ATP10B: variants seen among roughly 807,000 people sequenced by gnomAD.
The protein encoded by ATP10B is phospholipid-transporting ATPase VB.
In ATP10B, 122 loss-of-function variants were observed where a neutral mutation model predicts 141.2. The ratio of observed to expected loss-of-function variants is 0.86; its 90% confidence interval spans 0.75 to 1.00. The LOEUF is 1.00. Among genes scored for constraint, ATP10B ranks in the 50% least tolerant of loss-of-function variants. The pLI is 0.00. For synonymous variants in ATP10B, 685 were observed against 692.0 expected (o/e 0.99, Z 0.16); for missense variants, 1,876 against 1,825.3 (o/e 1.03, Z -0.51).
At chr5:160,596,972 G>A (rs1050899070) in intron 22 of ATP10B, among the ~76,000 whole-genome samples, 6 of 152,280 alleles carry the variant, frequency 3.9e-5, no homozygotes, top group East Asian at 3.9e-4. Flanking sequence ...TACTGCCCAA[G>A]GTAATTTATA....
chr5:160,678,775 A>G (rs933872301), intron 6 of ATP10B, among the ~76,000 whole-genome samples: 2 of 152,188 alleles, frequency 1.3e-5, no homozygotes, highest in African/African-American at 4.8e-5. Context: ...TATCGGCCCC[A>G]TTTTATATAG....
intron 1 of ATP10B, among the ~76,000 whole-genome samples, chr5:160,834,467 G>A (rs1055828351): frequency 6.6e-6 from 1 of 152,122 alleles, no homozygotes; most frequent in Non-Finnish European, 1.5e-5. Context: ...GCATGAGGCA[G>A]ATATAAATAG....
At chr5:160,607,124 C>G (rs1464295065) in intron 18 of ATP10B, 38 bp from the exon 19 acceptor site, 1 of 1,534,692 alleles carries the variant, frequency 6.5e-7, no homozygotes, top group East Asian at 2.3e-5. Flanking sequence ...TTGTAAGCAA[C>G]CTTGGAAATG....
intron 2 of ATP10B, among the ~76,000 whole-genome samples, chr5:160,770,903 C>T (rs1428515399): frequency 1.3e-5 from 2 of 152,088 alleles, no homozygotes; most frequent in African/African-American, 2.4e-5. Flanking sequence ...ATTTCTATAG[C>T]GTAGGTATTT....
intron 7 of ATP10B, 57 bp downstream of exon 7, chr5:160,670,406 G>C (rs1048334061): frequency 7.0e-6 from 11 of 1,570,610 alleles, no homozygotes; most frequent in Admixed American, 1.7e-5. Context: ...TTTCCAGTAG[G>C]GTAGGCTTGC....
At chr5:160,672,144 T>C (rs893109230) in intron 6 of ATP10B, among the ~76,000 whole-genome samples, 4 of 151,788 alleles carry the variant, frequency 2.6e-5, no homozygotes, top group Admixed American at 1.3e-4. Flanking sequence ...GTCCAGCTAA[T>C]TTTTGTATTT....
chr5:160,579,130 T>C (rs755066070), intron 24 of ATP10B, among the ~76,000 whole-genome samples: 1 of 152,252 alleles, frequency 6.6e-6, no homozygotes, highest in Non-Finnish European at 1.5e-5. Flanking sequence ...AGGTTGCCTG[T>C]TCATTCTGAT....
chr5:160,763,041 T>C (rs1429867130), intron 2 of ATP10B, among the ~76,000 whole-genome samples: 11 of 149,876 alleles, frequency 7.3e-5, no homozygotes, highest in East Asian at 1.9e-4. Context: ...ATGCACCTAA[T>C]ACTGGAGCAC....
intron 10 of ATP10B, among the ~76,000 whole-genome samples, chr5:160,639,717 G>T (rs1759686379): frequency 6.6e-6 from 1 of 152,190 alleles, no homozygotes; most frequent in African/African-American, 2.4e-5. Context: ...CACAGTCAGT[G>T]GGGAGGGGGA....
At chr5:160,817,226 G>C (rs955577467) in intron 1 of ATP10B, among the ~76,000 whole-genome samples, 3 of 152,214 alleles carry the variant, frequency 2.0e-5, no homozygotes, top group Admixed American at 6.5e-5. Flanking sequence ...CCTGTTTGCA[G>C]ATGACATGAT....
At chr5:160,641,512 C>T (rs766258886) in intron 9 of ATP10B, among the ~76,000 whole-genome samples, 15 of 152,302 alleles carry the variant, frequency 9.8e-5, no homozygotes, top group Admixed American at 7.8e-4. Context: ...AAGCTGAGGG[C>T]TAGAGGGTAA....
chr5:160,651,923 C>T (rs1760768767), intron 7 of ATP10B, among the ~76,000 whole-genome samples: 1 of 152,110 alleles, frequency 6.6e-6, no homozygotes, highest in South Asian at 2.1e-4. Context: ...AAGTCATGTG[C>T]TTCACTCCTG....
At chr5:160,907,131 T>A in the ATP10B span, among the ~76,000 whole-genome samples, 1 of 152,180 alleles carries the variant, frequency 6.6e-6, no homozygotes. Context: ...AATCGTTTTC[T>A]GTAATTCCTG....
chr5:160,730,110 G>C (rs1447093812), intron 2 of ATP10B, among the ~76,000 whole-genome samples: 1 of 152,126 alleles, frequency 6.6e-6, no homozygotes, highest in Non-Finnish European at 1.5e-5. Flanking sequence ...ATTTAAGCTA[G>C]CTGTTAGGCA....
At chr5:160,876,495 C>A in the ATP10B span, among the ~76,000 whole-genome samples, 4 of 147,162 alleles carry the variant, frequency 2.7e-5, no homozygotes, top group Non-Finnish European at 4.5e-5. Flanking sequence ...CAAGAGCAAA[C>A]ACATTCAAAA....
chr5:160,735,946 TA>T (rs1380005080), intron 2 of ATP10B, among the ~76,000 whole-genome samples: 1 of 152,018 alleles, frequency 6.6e-6, no homozygotes, highest in Middle Eastern at 3.2e-3. Context: ...AAACAAATGA[TA>T]ATGGAAACAC....
intron 1 of ATP10B, among the ~76,000 whole-genome samples, chr5:160,802,321 G>A (rs748187490): frequency 6.6e-6 from 1 of 152,104 alleles, no homozygotes; most frequent in Non-Finnish European, 1.5e-5. Context: ...ATTACCTGAG[G>A]AAAAAATCAA....
chr5:160,668,050 C>CA (rs895838236), intron 7 of ATP10B, among the ~76,000 whole-genome samples: 2 of 151,844 alleles, frequency 1.3e-5, no homozygotes, highest in African/African-American at 4.8e-5. Context: ...GCCAACATGG[C>CA]AAAAACCCTG....
chr5:160,740,692 A>C (rs1767406092), intron 2 of ATP10B, among the ~76,000 whole-genome samples: 1 of 152,206 alleles, frequency 6.6e-6, no homozygotes, highest in African/African-American at 2.4e-5. Flanking sequence ...GCAAATGCTG[A>C]ATTAGGTAAT....
Sources: gnomAD v4.1 joint callset for allele counts (sites outside exome capture counted in the v4.1 genomes callset) on GRCh38, gnomAD v4.1.1 for gene constraint, MANE v1.5 for transcripts, NCBI Gene and HGNC (gene_info 2026-07-23, HGNC 2026-07-21) for gene names.